TENM2: variants seen among roughly 807,000 people sequenced by gnomAD.
TENM2 encodes the protein teneurin-2.
In TENM2, 52 loss-of-function variants were observed where a neutral mutation model predicts 245.2. The observed-to-expected ratio is 0.21, with a 90% CI of 0.17 to 0.27. The LOEUF (loss-of-function observed/expected upper bound fraction) is 0.27. Ranked by LOEUF, TENM2 falls within the 10% of genes least tolerant of loss-of-function variation. The pLI is 1.00. For missense variants in TENM2, 3,046 were observed against 3,666.8 expected, an observed-to-expected ratio of 0.83 and a Z score of 4.37; for synonymous variants, 1,363 against 1,438.9, an observed-to-expected ratio of 0.95 and a Z score of 1.19.
chr5:167,556,203 GA>G (rs1773250069), intron 2 of TENM2, among the ~76,000 whole-genome samples: 1 of 152,032 alleles, frequency 6.6e-6, no homozygotes, highest in East Asian at 1.9e-4. Flanking sequence ...TTGCTTAATT[GA>G]TTTAATTGCA....
intron 15 of TENM2, among the ~76,000 whole-genome samples, chr5:168,198,161 ATG>A (rs1761616600): frequency 6.7e-6 from 1 of 149,158 alleles, no homozygotes; most frequent in Non-Finnish European, 1.5e-5. Flanking sequence ...ACATAAACAA[ATG>A]GGTGTAACTG....
intron 5 of TENM2, among the ~76,000 whole-genome samples, chr5:168,041,099 G>A (rs1223773626): frequency 1.3e-5 from 2 of 152,112 alleles, no homozygotes; most frequent in East Asian, 1.9e-4. Flanking sequence ...AACCTCAGAG[G>A]GCCGATGTCC....
At chr5:167,840,113 A>G (rs1037986034) in intron 2 of TENM2, among the ~76,000 whole-genome samples, 1 of 152,188 alleles carries the variant, frequency 6.6e-6, no homozygotes, top group Non-Finnish European at 1.5e-5. Context: ...GAGCCACCAC[A>G]CCCAACCCAA....
At chr5:167,165,344 G>A in the TENM2 span, 1 of 152,282 alleles carries the variant, frequency 6.6e-6, no homozygotes, top group Admixed American at 6.5e-5. Context: ...GGTCCCTGGT[G>A]TCTTCTCTAT....
the TENM2 span, among the ~76,000 whole-genome samples, chr5:166,980,423 T>C: frequency 2.6e-5 from 4 of 152,306 alleles, no homozygotes; most frequent in South Asian, 8.3e-4. Flanking sequence ...CTCTAACTCT[T>C]TTCTTAAAAA....
intron 2 of TENM2, chr5:167,754,943 T>C (rs1408768490): frequency 7.7e-6 from 11 of 1,436,182 alleles, no homozygotes; most frequent in Non-Finnish European, 1.0e-5. Context: ...ATTATGCTTT[T>C]CCTTCCCAGC....
intron 4 of TENM2, among the ~76,000 whole-genome samples, chr5:167,963,944 A>G (rs1348508273): frequency 1.3e-5 from 2 of 152,214 alleles, no homozygotes; most frequent in African/African-American, 2.4e-5. Flanking sequence ...TTGTACTACC[A>G]AAAGCAGTCT....
chr5:167,559,108 A>G (rs78174685), intron 2 of TENM2, among the ~76,000 whole-genome samples: 2,931 of 152,290 alleles, frequency 0.019, 90 homozygotes, highest in African/African-American at 0.067. Context: ...TGCAGTTTGA[A>G]TGGTTGTGAC....
chr5:167,732,902 C>T (rs1418106218), intron 2 of TENM2, among the ~76,000 whole-genome samples: 1 of 152,180 alleles, frequency 6.6e-6, no homozygotes, highest in African/African-American at 2.4e-5. Context: ...TAACTGAGTA[C>T]ATTAACCATG....
At chr5:168,249,385 T>C (rs1766889475) in intron 27 of TENM2, among the ~76,000 whole-genome samples, 1 of 152,030 alleles carries the variant, frequency 6.6e-6, no homozygotes, top group Non-Finnish European at 1.5e-5. Context: ...TCAAAACGCA[T>C]TTATAAAGTG....
At chr5:167,049,521 T>A in the TENM2 span, among the ~76,000 whole-genome samples, 1 of 152,370 alleles carries the variant, frequency 6.6e-6, no homozygotes, top group Non-Finnish European at 1.5e-5. Context: ...TGTGTATACA[T>A]CAAACTATAT....
chr5:167,615,345 T>A (rs1777726562), intron 2 of TENM2, among the ~76,000 whole-genome samples: 1 of 152,132 alleles, frequency 6.6e-6, no homozygotes, highest in Admixed American at 6.6e-5. Flanking sequence ...TTGATGTCTT[T>A]TAGAATGCAG....
At chr5:167,592,935 G>A (rs1042634280) in intron 2 of TENM2, among the ~76,000 whole-genome samples, 4 of 151,980 alleles carry the variant, frequency 2.6e-5, no homozygotes, top group African/African-American at 9.7e-5. Flanking sequence ...ACAATGAGAT[G>A]TATATCATAC....
chr5:167,141,661 G>C, the TENM2 span, among the ~76,000 whole-genome samples: 1 of 151,976 alleles, frequency 6.6e-6, no homozygotes, highest in African/African-American at 2.4e-5. Context: ...TATTGCATTA[G>C]GTGTCTTTCC....
intron 4 of TENM2, among the ~76,000 whole-genome samples, chr5:167,962,545 G>T (rs1447943250): frequency 6.6e-6 from 1 of 152,130 alleles, no homozygotes; most frequent in Non-Finnish European, 1.5e-5. Context: ...ATTTGTATTA[G>T]TTTGTTCTCA....
At chr5:167,785,233 T>A (rs976148399) in intron 2 of TENM2, among the ~76,000 whole-genome samples, 3 of 152,266 alleles carry the variant, frequency 2.0e-5, no homozygotes, top group Non-Finnish European at 2.9e-5. Flanking sequence ...TATCACGTGA[T>A]GTGATTTAAT....
chr5:167,729,615 A>G (rs190784221), intron 2 of TENM2, among the ~76,000 whole-genome samples: 332 of 152,300 alleles, frequency 2.2e-3, no homozygotes, highest in Admixed American at 6.5e-3. Context: ...TAAACAATCA[A>G]TTTTCTCTTG....
At chr5:167,457,547 A>G (rs994542587) in intron 2 of TENM2, among the ~76,000 whole-genome samples, 1 of 151,876 alleles carries the variant, frequency 6.6e-6, no homozygotes, top group African/African-American at 2.4e-5. Context: ...GGGTTTCTCC[A>G]TGTTGGTCAG....
intron 3 of TENM2, among the ~76,000 whole-genome samples, chr5:167,893,352 C>T (rs1039941339): frequency 1.3e-5 from 2 of 152,238 alleles, no homozygotes; most frequent in Non-Finnish European, 2.9e-5. Flanking sequence ...AGCAAATCAG[C>T]GTCAGACAAG....
Sources: gnomAD v4.1 joint callset for allele counts (sites outside exome capture counted in the v4.1 genomes callset) on GRCh38, gnomAD v4.1.1 for gene constraint, MANE v1.5 for transcripts, NCBI Gene and HGNC (gene_info 2026-07-23, HGNC 2026-07-21) for gene names.